The following SYT16 variants were observed in gnomAD, a reference collection of about 807,000 sequenced individuals.
SYT16 encodes synaptotagmin 16, also known as synaptotagmin-16.
Under a neutral mutation model 61.4 loss-of-function variants are expected in SYT16, and 42 were observed. The ratio of observed to expected loss-of-function variants is 0.68; its 90% confidence interval spans 0.53 to 0.89. The LOEUF (loss-of-function observed/expected upper bound fraction) is 0.89. Ranked by LOEUF, SYT16 falls within the 40% of genes least tolerant of loss-of-function variation. SYT16 has a pLI of 0.00. For missense variants in SYT16, 804 were observed against 807.3 expected, an observed-to-expected ratio of 1.00 and a Z score of 0.05; for synonymous variants, 314 against 302.3, an observed-to-expected ratio of 1.04 and a Z score of -0.40.
intron 1 of SYT16, among the ~76,000 whole-genome samples, chr14:61,938,530 A>G (rs971810768): frequency 6.6e-6 from 1 of 152,148 alleles, no homozygotes; most frequent in Admixed American, 6.6e-5. Context: ...CTCCAGGGCA[A>G]TGCGCTGAGG....
intron 2 of SYT16, among the ~76,000 whole-genome samples, chr14:61,991,338 G>GTA (rs2052543054): frequency 6.6e-6 from 1 of 151,126 alleles, no homozygotes; most frequent in Admixed American, 6.6e-5. Flanking sequence ...ATTTGTGTGT[G>GTA]TGTGTGTGTG....
chr14:61,995,790 G>A (rs1241029113), intron 2 of SYT16, 86 bp from the exon 3 acceptor site: 3 of 396,692 alleles, frequency 7.6e-6, no homozygotes, highest in Non-Finnish European at 1.3e-5. Context: ...GTGCCCAAAT[G>A]CTGTTTGACA....
intron 3 of SYT16, among the ~76,000 whole-genome samples, chr14:62,016,461 A>C (rs2053680949): frequency 1.3e-5 from 2 of 151,284 alleles, no homozygotes; most frequent in Admixed American, 1.3e-4. Flanking sequence ...TGGGAGGCCA[A>C]GGCGGGCAGA....
chr14:62,089,455 ATCTG>A lies in SYT16; in HGVS notation c.1624+5074_1624+5077del, dbSNP rs560968158. Reference sequence around the variant, plus strand: ...TTTCGAACTTCATTTCTATGTATCTATCTGTCTATCAATCATCTTTTGGTGAAAA... The same window carrying A: ...TTTCGAACTTCATTTCTATGTATCTATCTATCAATCATCTTTTGGTGAAAA... On this transcript the variant is annotated intron_variant, in intron 7 of 7. Coordinates refer to ENST00000683842, the MANE Select transcript of SYT16 (RefSeq NM_001367656.1). 4.3e-3 allele frequency among the ~76,000 whole-genome samples: 662 copies of A among 152,234 alleles called. 6 individuals are homozygous for A. The highest frequency in any genetic ancestry group is 0.015 in the African/African-American group (630 of 41,534).
intron 1 of SYT16, among the ~76,000 whole-genome samples, chr14:61,818,417 C>A (rs139629753): frequency 1.3e-5 from 2 of 152,046 alleles, no homozygotes; most frequent in Admixed American, 1.3e-4. Flanking sequence ...CGGTGGCTCA[C>A]GCCTGTAATC....
chr14:61,877,339 G>T (rs1005441239), intron 1 of SYT16, among the ~76,000 whole-genome samples: 1 of 152,168 alleles, frequency 6.6e-6, no homozygotes, highest in Non-Finnish European at 1.5e-5. Flanking sequence ...TAGGTCTGGG[G>T]TCAGGCAGGG....
chr14:62,007,770 C>T (rs975790067), intron 3 of SYT16, among the ~76,000 whole-genome samples: 10 of 150,988 alleles, frequency 6.6e-5, no homozygotes, highest in Non-Finnish European at 1.2e-4. Flanking sequence ...AAATTAAGTC[C>T]TTTTTTTTTC....
chr14:61,937,346 C>G (rs1014637801), intron 1 of SYT16, among the ~76,000 whole-genome samples: 1 of 152,190 alleles, frequency 6.6e-6, no homozygotes, highest in Non-Finnish European at 1.5e-5. Context: ...AAAGAAAAGG[C>G]GATCCTTTGC....
At chr14:62,001,669 A>C (rs2053022041) in intron 3 of SYT16, among the ~76,000 whole-genome samples, 1 of 152,032 alleles carries the variant, frequency 6.6e-6, no homozygotes, top group African/African-American at 2.4e-5. Flanking sequence ...CATGTCTTCA[A>C]ATATTTATTC....
chr14:62,087,660 A>G (rs929643217), intron 7 of SYT16, among the ~76,000 whole-genome samples: 2 of 152,242 alleles, frequency 1.3e-5, no homozygotes, highest in Middle Eastern at 3.2e-3. Flanking sequence ...AATATATCAT[A>G]AAACAAAAGG....
chr14:62,044,216 A>G lies in SYT16; in HGVS notation c.524-25387A>G, dbSNP rs1249701268. Among the ~76,000 whole-genome samples the G allele has an allele frequency of 4.6e-5, 7 of 151,796 alleles. No homozygotes were observed. In the South Asian group the frequency reaches 1.3e-3, roughly 27 times the overall value. On this transcript the variant is annotated intron_variant, in intron 3 of 7. Coordinates refer to ENST00000683842, the MANE Select transcript of SYT16 (RefSeq NM_001367656.1). ...CCCTGTCTTTGAAAAAAAAAAAAAT[A>G]GGAAACGAAAGAGAAATTACAGTAT...
intron 1 of SYT16, among the ~76,000 whole-genome samples, chr14:61,898,345 C>A (rs2048397932): frequency 1.3e-5 from 2 of 152,182 alleles, no homozygotes; most frequent in Non-Finnish European, 2.9e-5. Context: ...GCAAGAGAGA[C>A]CTCTCTCACT....
intron 1 of SYT16, among the ~76,000 whole-genome samples, chr14:61,906,711 T>TTCCATCCA (rs761316889): frequency 0.022 from 1,232 of 55,702 alleles, 8 homozygotes; most frequent in Middle Eastern, 0.074. Context: ...CCATCCATCC[T>TTCCATCCA]TCCATCCATC....
At chr14:61,971,603 T>C (rs1440769980) in intron 2 of SYT16, among the ~76,000 whole-genome samples, 1 of 152,226 alleles carries the variant, frequency 6.6e-6, no homozygotes, top group Non-Finnish European at 1.5e-5. Flanking sequence ...TCACATTGTG[T>C]TTGTTCATTG....
intron 3 of SYT16, among the ~76,000 whole-genome samples, chr14:62,020,755 A>AAGCG (rs1311712119): frequency 1.3e-5 from 2 of 152,192 alleles, no homozygotes; most frequent in Non-Finnish European, 2.9e-5. Flanking sequence ...GGAGATTTCT[A>AAGCG]AGCGAGCATA....
intron 1 of SYT16, among the ~76,000 whole-genome samples, chr14:61,906,562 T>A (rs768908630): frequency 2.0e-5 from 3 of 152,202 alleles, no homozygotes; most frequent in African/African-American, 2.4e-5. Flanking sequence ...GAAGCAAATA[T>A]TTGTAAATCA....
rs2057420423 is a variant in SYT16 at position 62,101,616 on chromosome 14, A to G, written c.*909A>G. 1 of 152,158 alleles carries G rather than the reference A, an allele frequency of 6.6e-6. No individual in the cohort carries two copies. Among genetic ancestry groups the G allele is most frequent in the African/African-American group, 2.4e-5 (1 of 41,432 alleles). 9.4% of individuals were successfully genotyped at this position (152,158 alleles called of 1,614,324 possible). On this transcript the variant is annotated 3_prime_UTR_variant, in exon 8 of 8. Transcript: ENST00000683842. ...AATATTTTGAATGTACTGCATGTAA[A>G]CCATGCTCTTTTTAAACTGAGTATT...
intron 3 of SYT16, among the ~76,000 whole-genome samples, chr14:62,038,872 A>T (rs2054608260): frequency 6.6e-6 from 1 of 152,206 alleles, no homozygotes; most frequent in African/African-American, 2.4e-5. Context: ...TATTATATGT[A>T]ACATGAGGAG....
At chr14:62,050,691 G>A (rs1025837275) in intron 3 of SYT16, among the ~76,000 whole-genome samples, 8 of 152,186 alleles carry the variant, frequency 5.3e-5, no homozygotes, top group Non-Finnish European at 8.8e-5. Context: ...CCTTCTAACA[G>A]TCAGGACCCT....
Sources: allele counts gnomAD v4.1 joint callset (sites outside exome capture counted in the v4.1 genomes callset), GRCh38; gene constraint gnomAD v4.1.1; transcripts MANE v1.5; gene names NCBI Gene and HGNC (gene_info 2026-07-23, HGNC 2026-07-21).